The following GALNTL6 variants were observed in gnomAD, a reference collection of about 807,000 sequenced individuals.
The protein encoded by GALNTL6 is polypeptide N-acetylgalactosaminyltransferase like 6.
Under a neutral mutation model 73.7 loss-of-function variants are expected in GALNTL6, and 46 were observed. That is an observed-to-expected ratio of 0.62 (90% confidence interval 0.49 to 0.80). The LOEUF (loss-of-function observed/expected upper bound fraction) is 0.80. Ranked by LOEUF, GALNTL6 falls within the 30% of genes least tolerant of loss-of-function variation. The pLI, the probability that GALNTL6 is intolerant of heterozygous loss-of-function variation, is 0.00. For synonymous variants in GALNTL6, 259 were observed against 263.7 expected (o/e 0.98, Z 0.17); for missense variants, 604 against 755.0 (o/e 0.80, Z 2.34).
chr4:172,982,069 A>G (rs1019837689), intron 10 of GALNTL6, among the ~76,000 whole-genome samples: 1 of 152,202 alleles, frequency 6.6e-6, no homozygotes, highest in Non-Finnish European at 1.5e-5. Flanking sequence ...TACTAGAATT[A>G]CAGGCATGAA....
intron 2 of GALNTL6, among the ~76,000 whole-genome samples, chr4:172,092,043 C>T (rs1296444250): frequency 6.6e-6 from 1 of 152,044 alleles, no homozygotes; most frequent in Non-Finnish European, 1.5e-5. Context: ...TTGTCAAAAA[C>T]CTGTATTTCT....
intron 5 of GALNTL6, among the ~76,000 whole-genome samples, chr4:172,349,709 G>A (rs1210835003): frequency 6.6e-6 from 1 of 151,860 alleles, no homozygotes; most frequent in Non-Finnish European, 1.5e-5. Context: ...GGACTTACAT[G>A]ACAGAAAGGA....
chr4:172,156,544 T>TATATA (rs1553997702), intron 2 of GALNTL6, among the ~76,000 whole-genome samples: 1 of 67,948 alleles, frequency 1.5e-5, no homozygotes, highest in Non-Finnish European at 2.8e-5. Context: ...ATATATAATA[T>TATATA]ATATATATAT....
intron 10 of GALNTL6, among the ~76,000 whole-genome samples, chr4:172,986,874 G>A (rs751523589): frequency 2.8e-4 from 43 of 152,162 alleles, no homozygotes; most frequent in Non-Finnish European, 4.9e-4. Context: ...TAGGGCCTCA[G>A]GGAAAAAAGA....
Position 171,962,765 on chromosome 4 carries a change from C to CTTTTTTTTTTTTTTT in GALNTL6, c.138+148051_138+148065dup, listed in dbSNP as rs139917729. Among the ~76,000 whole-genome samples, 10 of 113,804 alleles carry CTTTTTTTTTTTTTTT rather than the reference C, an allele frequency of 8.8e-5. 1 individual carries two copies. Among genetic ancestry groups the CTTTTTTTTTTTTTTT allele is most frequent in the Admixed American group, 3.5e-4 (3 of 8,628 alleles). 74.7% of individuals were successfully genotyped at this position (113,804 alleles called of 152,430 possible). ...TACTTTCTTAATAAGCTTGCTTTTA[C>CTTTTTTTTTTTTTTT]TTTTTTTTTTTTTTTTTTGTGAGAT... On this transcript the variant is annotated intron_variant, in intron 2 of 12. Transcript: ENST00000506823.
At chr4:172,039,108 CTTCAT>C (rs1742017367) in intron 2 of GALNTL6, among the ~76,000 whole-genome samples, 1 of 152,078 alleles carries the variant, frequency 6.6e-6, no homozygotes, top group African/African-American at 2.4e-5. Flanking sequence ...TTCTTTTGTT[CTTCAT>C]TTCAACTAAT....
At chr4:172,067,688 C>T (rs192364923) in intron 2 of GALNTL6, among the ~76,000 whole-genome samples, 1 of 110,642 alleles carries the variant, frequency 9.0e-6, no homozygotes, top group African/African-American at 3.4e-5. Context: ...GTTACCCACA[C>T]AATGGGTGGG....
intron 5 of GALNTL6, among the ~76,000 whole-genome samples, chr4:172,402,855 A>C (rs778850627): frequency 3.3e-5 from 5 of 152,108 alleles, no homozygotes; most frequent in Non-Finnish European, 7.4e-5. Flanking sequence ...GATTTTTACT[A>C]TACAGAAAAA....
At chr4:172,349,648 A>G (rs1469152999) in intron 5 of GALNTL6, among the ~76,000 whole-genome samples, 1 of 151,954 alleles carries the variant, frequency 6.6e-6, no homozygotes. Flanking sequence ...TGGTCTTTAT[A>G]CACTTCTTTT....
chr4:172,320,221 C>G (rs535442034), intron 4 of GALNTL6, among the ~76,000 whole-genome samples: 1 of 152,086 alleles, frequency 6.6e-6, no homozygotes, highest in South Asian at 2.1e-4. Flanking sequence ...GTACTTTGCC[C>G]AGTTTGTGAT....
intron 5 of GALNTL6, among the ~76,000 whole-genome samples, chr4:172,594,064 T>TG (rs1331919006): frequency 6.6e-6 from 1 of 152,124 alleles, no homozygotes; most frequent in African/African-American, 2.4e-5. Context: ...TAAGACATTT[T>TG]GGCTGGGCGC....
intron 5 of GALNTL6, among the ~76,000 whole-genome samples, chr4:172,476,314 T>G (rs1464020917): frequency 6.6e-6 from 1 of 152,192 alleles, no homozygotes; most frequent in African/African-American, 2.4e-5. Context: ...GCAAAGGCAC[T>G]AATTGCATTC....
chr4:172,570,751 A>C (rs1736730524), intron 5 of GALNTL6, among the ~76,000 whole-genome samples: 1 of 152,094 alleles, frequency 6.6e-6, no homozygotes, highest in Admixed American at 6.6e-5. Context: ...TTCTATTATT[A>C]TTATATTGTA....
Position 172,942,330 on chromosome 4 carries a change from A to G in GALNTL6, c.1150-9707A>G, listed in dbSNP as rs187818887. ...ATTAATAATAATTGGAATAAATGCT[A>G]TAGCACCTTTTAGTTCAACCACAGT... On this transcript the variant is annotated intron_variant, in intron 9 of 12. Coordinates refer to ENST00000506823, the MANE Select transcript of GALNTL6 (RefSeq NM_001034845.3). Among the ~76,000 whole-genome samples, 42 of 152,340 alleles carry G rather than the reference A, an allele frequency of 2.8e-4. No individual in the cohort carries two copies. The East Asian group carries it at 7.5e-3, about 27-fold the overall frequency.
chr4:172,625,398 C>T (rs1739127870), intron 5 of GALNTL6, among the ~76,000 whole-genome samples: 1 of 152,004 alleles, frequency 6.6e-6, no homozygotes, highest in South Asian at 2.1e-4. Flanking sequence ...TGTAGTATTC[C>T]ATGCTGTGTA....
chr4:171,854,091 T>C (rs1254778737), intron 2 of GALNTL6, among the ~76,000 whole-genome samples: 3 of 152,174 alleles, frequency 2.0e-5, no homozygotes, highest in African/African-American at 7.2e-5. Flanking sequence ...TATATACGCA[T>C]ATACTCTTGC....
intron 2 of GALNTL6, among the ~76,000 whole-genome samples, chr4:172,105,519 T>C (rs1037319011): frequency 2.6e-5 from 4 of 151,412 alleles, no homozygotes; most frequent in African/African-American, 9.7e-5. Context: ...AAAGGATAAA[T>C]ACAAGCAAAG....
chr4:172,676,082 A>G (rs1301163288), intron 5 of GALNTL6, among the ~76,000 whole-genome samples: 1 of 152,190 alleles, frequency 6.6e-6, no homozygotes, highest in East Asian at 1.9e-4. Flanking sequence ...AAAAAGTATA[A>G]TTTGCTTAAC....
chr4:172,902,088 G>T (rs887779029), intron 8 of GALNTL6, among the ~76,000 whole-genome samples: 1 of 152,092 alleles, frequency 6.6e-6, no homozygotes, highest in Non-Finnish European at 1.5e-5. Flanking sequence ...CCAAATCCAG[G>T]TACTTAATTT....
Sources: gnomAD v4.1 joint callset for allele counts (sites outside exome capture counted in the v4.1 genomes callset) on GRCh38, gnomAD v4.1.1 for gene constraint, MANE v1.5 for transcripts, NCBI Gene and HGNC (gene_info 2026-07-23, HGNC 2026-07-21) for gene names.